RAPGEF4: variants seen among roughly 807,000 people sequenced by gnomAD.
The protein encoded by RAPGEF4 is RAP guanine-nucleotide-exchange factor (GEF) 4.
Under a neutral mutation model 147.9 loss-of-function variants are expected in RAPGEF4, and 66 were observed. That is an observed-to-expected ratio of 0.45 (90% CI 0.37 to 0.55). The LOEUF (loss-of-function observed/expected upper bound fraction) is 0.55. RAPGEF4 is among the 20% of genes least tolerant of loss of function. The pLI, the probability that RAPGEF4 is intolerant of heterozygous loss-of-function variation, is 0.00. For missense variants in RAPGEF4, 1,071 were observed against 1,257.3 expected (o/e 0.85, Z 2.24); for synonymous variants, 419 against 442.7 (o/e 0.95, Z 0.67).
chr2:173,027,683 A>T (rs1366051704), intron 25 of RAPGEF4, among the ~76,000 whole-genome samples: 1 of 152,266 alleles, frequency 6.6e-6, no homozygotes, highest in African/African-American at 2.4e-5. Context: ...TCCAGCCCAG[A>T]CAGAATTAAA....
At chr2:172,937,361 T>C (rs888807578) in intron 6 of RAPGEF4, among the ~76,000 whole-genome samples, 2 of 152,170 alleles carry the variant, frequency 1.3e-5, no homozygotes, top group Admixed American at 1.3e-4. Flanking sequence ...GGCTATCCAT[T>C]TCTCAGACTT....
At chr2:172,820,294 T>C (rs1159407663) in intron 4 of RAPGEF4, among the ~76,000 whole-genome samples, 3 of 152,228 alleles carry the variant, frequency 2.0e-5, no homozygotes, top group Non-Finnish European at 4.4e-5. Flanking sequence ...TTCAATTGCA[T>C]GAACACCATT....
chr2:172,883,943 G>C (rs1440976879), intron 4 of RAPGEF4, among the ~76,000 whole-genome samples: 1 of 152,194 alleles, frequency 6.6e-6, no homozygotes, highest in African/African-American at 2.4e-5. Context: ...GAGGAGAGAA[G>C]GGGAGAAATT....
At chr2:173,036,360 T>A (rs1684009227) in intron 28 of RAPGEF4, 148 bp downstream of exon 28, 5 of 683,962 alleles carry the variant, frequency 7.3e-6, no homozygotes, top group Admixed American at 5.5e-5. Context: ...TCCTGACTGT[T>A]CAGAAAGGGT....
intron 6 of RAPGEF4, among the ~76,000 whole-genome samples, chr2:172,925,777 A>AAAAGAGAGAGAGAGAG (rs1486298673): frequency 7.5e-6 from 1 of 133,802 alleles, no homozygotes; most frequent in Non-Finnish European, 1.6e-5. Context: ...GAAAGAAAGA[A>AAAAGAGAGAGAGAGAG]AGAGAGAGAG....
chr2:172,840,762 T>G (rs1691494890), intron 4 of RAPGEF4, among the ~76,000 whole-genome samples: 1 of 152,218 alleles, frequency 6.6e-6, no homozygotes, highest in Non-Finnish European at 1.5e-5. Flanking sequence ...AGCAGGTCCT[T>G]TTTCAGGGAA....
At chr2:172,905,510 T>C (rs6754271) in intron 4 of RAPGEF4, among the ~76,000 whole-genome samples, 147,960 of 152,312 alleles carry the variant, frequency 0.97, 71,993 homozygotes, top group East Asian at 1. Context: ...GCTCCCTACA[T>C]GTATGGGTCA....
intron 4 of RAPGEF4, among the ~76,000 whole-genome samples, chr2:172,830,738 G>A (rs1340164444): frequency 6.6e-6 from 1 of 152,132 alleles, no homozygotes; most frequent in African/African-American, 2.4e-5. Context: ...TGTGTAGCCA[G>A]GGCTATAGGC....
intron 1 of RAPGEF4, among the ~76,000 whole-genome samples, chr2:172,786,980 C>T (rs1336820261): frequency 3.9e-5 from 6 of 152,176 alleles, no homozygotes; most frequent in South Asian, 4.2e-4. Context: ...GAGGCCAAGG[C>T]GGGTGGATCA....
chr2:172,838,880 T>C (rs927664564), intron 4 of RAPGEF4, among the ~76,000 whole-genome samples: 3 of 152,072 alleles, frequency 2.0e-5, no homozygotes, highest in Non-Finnish European at 4.4e-5. Flanking sequence ...ATTTGAACCA[T>C]ATGTTGTTCT....
At position 173,033,953 on chromosome 2, in the gene RAPGEF4, G is replaced by A. The variant is rs1361342089; in HGVS notation, c.2689G>A (p.Glu897Lys). The change falls in exon 27 of 31, where the codon GAA (glutamate) becomes AAA (lysine). Residue 897 changes from glutamate (E) to lysine (K), a missense_variant. Coordinates refer to ENST00000397081, the MANE Select transcript of RAPGEF4 (RefSeq NM_007023.4). ...GTTCAAGAAGTTCTATGCGGAGTTT[G>A]AAAGTTTAATGGTAAGTGACAGTGG... is the stretch of plus-strand genomic sequence containing the variant. ...SKFKKFYAEF[E>K]SLMDPSRNHR... The A allele has an allele frequency of 1.9e-6, 3 of 1,612,676 alleles. No individual in the cohort carries two copies. The highest frequency in any genetic ancestry group is 2.5e-6 in the Non-Finnish European group (3 of 1,179,568).
chr2:173,051,694 G>A lies in RAPGEF4; in HGVS notation c.2963G>A (p.Arg988Gln), dbSNP rs1203991875. The A allele has an allele frequency of 3.7e-6, 6 of 1,613,828 alleles. No individual in the cohort carries two copies. Among genetic ancestry groups the A allele is most frequent in the Non-Finnish European group, 5.1e-6 (6 of 1,179,834 alleles). Residue 988 changes from arginine (R) to glutamine (Q), a missense_variant, in exon 31 of 31, where the codon CGG becomes CAG. Arg to Gln is a conservative substitution (Grantham distance 43). Transcript: ENST00000397081. ...KNHQDVRSYV[R>Q]QLNVIDNQRT... ...CATCAGGATGTCCGGAGTTATGTAC[G>A]GCAATTAAATGTGATTGACAACCAG...
At chr2:173,036,367 G>A (rs1684010061) in intron 28 of RAPGEF4, among the ~76,000 whole-genome samples, 155 bp downstream of exon 28, 2 of 152,178 alleles carry the variant, frequency 1.3e-5, no homozygotes, top group South Asian at 4.1e-4. Context: ...TGTTCAGAAA[G>A]GGTCAGAAAG....
At chr2:172,877,948 A>G (rs1404760444) in intron 4 of RAPGEF4, among the ~76,000 whole-genome samples, 1 of 152,206 alleles carries the variant, frequency 6.6e-6, no homozygotes, top group East Asian at 1.9e-4. Flanking sequence ...CTCTAAGATG[A>G]TTGCTAAGAA....
At chr2:172,933,989 C>T (rs1686255789) in intron 6 of RAPGEF4, among the ~76,000 whole-genome samples, 1 of 152,036 alleles carries the variant, frequency 6.6e-6, no homozygotes, top group Non-Finnish European at 1.5e-5. Flanking sequence ...TTTAATCATT[C>T]TTTTTACAGT....
At chr2:172,909,543 G>T (rs1425285258) in intron 4 of RAPGEF4, among the ~76,000 whole-genome samples, 4 of 152,138 alleles carry the variant, frequency 2.6e-5, no homozygotes, top group African/African-American at 9.7e-5. Flanking sequence ...CAGGGCCCCA[G>T]AGAGGACATT....
chr2:173,004,416 T>C (rs766021120), intron 17 of RAPGEF4, among the ~76,000 whole-genome samples: 2 of 152,162 alleles, frequency 1.3e-5, no homozygotes, highest in Non-Finnish European at 2.9e-5. Flanking sequence ...TCCTTTAGTC[T>C]TCAAAAGAAA....
intron 1 of RAPGEF4, among the ~76,000 whole-genome samples, chr2:172,781,662 G>T (rs886082260): frequency 1.3e-4 from 20 of 152,060 alleles, no homozygotes; most frequent in African/African-American, 4.8e-4. Flanking sequence ...CCAGGACCCC[G>T]CTTGGATACC....
chr2:172,818,490 C>G (rs1024754334), intron 4 of RAPGEF4, among the ~76,000 whole-genome samples: 1 of 152,018 alleles, frequency 6.6e-6, no homozygotes, highest in Non-Finnish European at 1.5e-5. Flanking sequence ...AATTAGAGAC[C>G]CTGAATCAGA....
Sources: allele counts gnomAD v4.1 joint callset (sites outside exome capture counted in the v4.1 genomes callset), GRCh38; gene constraint gnomAD v4.1.1; transcripts MANE v1.5; gene names NCBI Gene and HGNC (gene_info 2026-07-23, HGNC 2026-07-21).